The following IST1 variants were observed in gnomAD, a reference collection of about 807,000 sequenced individuals.
The protein encoded by IST1 is IST1 homolog.
In IST1, 23 loss-of-function variants were observed where a neutral mutation model predicts 37.0. The observed-to-expected ratio is 0.62, with a 90% CI of 0.45 to 0.88. The LOEUF (loss-of-function observed/expected upper bound fraction) is 0.88, where lower values mean the gene tolerates loss of function less well. Ranked by LOEUF, IST1 falls within the 40% of genes least tolerant of loss-of-function variation. The pLI is 0.00. For synonymous variants in IST1, 180 were observed against 161.7 expected (o/e 1.11, Z -0.86); for missense variants, 488 against 445.4 (o/e 1.10, Z -0.86).
chr16:71,918,499 C>T (rs1487970984), intron 4 of IST1, among the ~76,000 whole-genome samples: 1 of 150,548 alleles, frequency 6.6e-6, no homozygotes, highest in Non-Finnish European at 1.5e-5. Flanking sequence ...TCACTGCAAC[C>T]TCTGCCTCCT....
intron 1 of IST1, among the ~76,000 whole-genome samples, chr16:71,915,193 C>T (rs570109340): frequency 6.6e-5 from 10 of 152,158 alleles, no homozygotes; most frequent in Non-Finnish European, 1.2e-4. Flanking sequence ...TCCCCCATTG[C>T]CATCCCTGTT....
intron 1 of IST1, among the ~76,000 whole-genome samples, chr16:71,898,726 C>G (rs1265455121): frequency 6.6e-6 from 1 of 151,384 alleles, no homozygotes; most frequent in Non-Finnish European, 1.5e-5. Context: ...CGCCTGTAAT[C>G]CCAGCACTTT....
At chr16:71,922,399 C>T (rs2037614729) in intron 6 of IST1, 75 bp from the exon 7 acceptor site, 1 of 1,238,104 alleles carries the variant, frequency 8.1e-7, no homozygotes, top group South Asian at 1.3e-5. Flanking sequence ...TGCTAATCTC[C>T]ATCTCAGACT....
rs1334675359 is a variant in IST1 at position 71,928,194 on chromosome 16, A to C, written c.*381A>C. ...GAGAGAGCACGTTGTGAAGCATCCC[A>C]GCCTCGTGTTGAGGTTCCAGACTTA... is the stretch of plus-strand genomic sequence containing the variant. On this transcript the variant is annotated 3_prime_UTR_variant, in exon 10 of 10. Transcript: ENST00000378799. The C allele has an allele frequency of 3.9e-6, 1 of 259,518 alleles. No individual in the cohort carries two copies. The highest frequency in any genetic ancestry group is 7.6e-6 in the Non-Finnish European group (1 of 132,020). 16.1% of individuals were successfully genotyped at this position (259,518 alleles called of 1,614,324 possible).
chr16:71,909,486 C>T (rs2037304372), intron 1 of IST1, among the ~76,000 whole-genome samples: 1 of 152,188 alleles, frequency 6.6e-6, no homozygotes, highest in Non-Finnish European at 1.5e-5. Context: ...CTTCATGGTG[C>T]TGTGTACAAA....
chr16:71,898,515 C>T (rs1447231277), intron 1 of IST1, among the ~76,000 whole-genome samples: 4 of 151,760 alleles, frequency 2.6e-5, no homozygotes, highest in African/African-American at 9.7e-5. Context: ...GAAACCCCCT[C>T]TCTACTGTAA....
At position 71,921,525 on chromosome 16, in the gene IST1, T is replaced by TAC. The variant is rs397757979; in HGVS notation, c.552+72_552+73insAC. 1.4e-4 allele frequency: 125 copies of TAC among 869,794 alleles called. 1 individual carries two copies. Among genetic ancestry groups the TAC allele is most frequent in the Middle Eastern group, 1.1e-3 (5 of 4,550 alleles). The allele number at this position is 869,794 out of a possible 1,614,324, so 53.9% of individuals were successfully genotyped here. A position where few individuals can be genotyped will look rare whatever the true frequency, so the allele number is the denominator to read the frequency against. On this transcript the variant is annotated intron_variant, in intron 6 of 9. Transcript: ENST00000378799. ...CCTTCTTTGGAAAACAAAAAAAACA[T>TAC]TCTTTGCACTAACTTAAATTTGTGT... is the stretch of plus-strand genomic sequence containing the variant.
At chr16:71,924,067 C>G (rs555236428) in intron 8 of IST1, 1 of 451,772 alleles carries the variant, frequency 2.2e-6, no homozygotes, top group East Asian at 7.0e-5. Flanking sequence ...GCTTTCTGTT[C>G]TTTCCTTTGG....
Position 71,922,694 on chromosome 16 carries a change from A to ATGT in IST1, c.759+14_759+15insTGT. ...CCAAAGGGACCAGTAAGTATATATAAGTGTGGATGTAAGCTTTAGAAAATG... is the reference window on the plus strand; with the variant it reads ...CCAAAGGGACCAGTAAGTATATATAATGTGTGTGGATGTAAGCTTTAGAAAATG... On this transcript the variant is annotated intron_variant, in intron 7 of 9. Transcript: ENST00000378799. 6.5e-7 allele frequency: 1 copy of ATGT among 1,543,454 alleles called. No individual in the cohort carries two copies. Among genetic ancestry groups the ATGT allele is most frequent in the Non-Finnish European group, 8.9e-7 (1 of 1,128,688 alleles).
chr16:71,929,583 C>T lies in IST1; in HGVS notation c.*1770C>T, dbSNP rs751179893. 1.2e-5 allele frequency: 18 copies of T among 1,551,626 alleles called. No individual in the cohort carries two copies. Among genetic ancestry groups the T allele is most frequent in the Admixed American group, 2.0e-5 (1 of 50,968 alleles). Reference sequence around the variant, plus strand: ...CTTCAGTGTCACTGCCCACTGCTGTCGTGGCTGCTTGCTCAGATGAGGTTT... The same window carrying T: ...CTTCAGTGTCACTGCCCACTGCTGTTGTGGCTGCTTGCTCAGATGAGGTTT... On this transcript the variant is annotated 3_prime_UTR_variant, in exon 10 of 10. Coordinates refer to ENST00000378799, the MANE Select transcript of IST1 (RefSeq NM_001270975.2).
chr16:71,898,143 G>A (rs2037017841), intron 1 of IST1, among the ~76,000 whole-genome samples: 5 of 152,152 alleles, frequency 3.3e-5, no homozygotes, highest in African/African-American at 1.2e-4. Flanking sequence ...GGGAGGCTGA[G>A]GCAGGCAGAT....
Position 71,929,781 on chromosome 16 carries a change from A to AGAT in IST1, c.*1969_*1971dup. ...ATTTTTAAAAAATTAGTAAATGTAA[A>AGAT]GATACTATTTCTTTAATAATTTGCA... On this transcript the variant is annotated 3_prime_UTR_variant, in exon 10 of 10. Coordinates refer to ENST00000378799, the MANE Select transcript of IST1 (RefSeq NM_001270975.2). The AGAT allele has an allele frequency of 8.5e-7, 1 of 1,182,126 alleles. No individual in the cohort carries two copies. The highest frequency in any genetic ancestry group is 1.2e-6 in the Non-Finnish European group (1 of 856,974). 73.2% of individuals were successfully genotyped at this position (1,182,126 alleles called of 1,614,324 possible). A position where few individuals can be genotyped will look rare whatever the true frequency, so the allele number is the denominator to read the frequency against.
chr16:71,914,767 G>A (rs1017533718), intron 1 of IST1, among the ~76,000 whole-genome samples: 1 of 152,078 alleles, frequency 6.6e-6, no homozygotes, highest in Non-Finnish European at 1.5e-5. Flanking sequence ...TGATTTGTCT[G>A]TTCTTCAGTT....
chr16:71,929,471 A>T lies in IST1; in HGVS notation c.*1658A>T. 1 of 1,388,302 alleles carries T rather than the reference A, an allele frequency of 7.2e-7. No homozygotes were observed. 86.0% of individuals were successfully genotyped at this position (1,388,302 alleles called of 1,614,324 possible). A position where few individuals can be genotyped will look rare whatever the true frequency, so the allele number is the denominator to read the frequency against. On this transcript the variant is annotated 3_prime_UTR_variant, in exon 10 of 10. Transcript: ENST00000378799. ...AAAACAAAGTATATTATAATTTTAA[A>T]GCTATGCCATGCAAAGATAAGTAGT...
At chr16:71,909,014 C>A (rs1199542411) in intron 1 of IST1, among the ~76,000 whole-genome samples, 1 of 151,770 alleles carries the variant, frequency 6.6e-6, no homozygotes, top group Non-Finnish European at 1.5e-5. Flanking sequence ...TTTTAAGGAC[C>A]ATCCATGTTG....
chr16:71,921,124 TC>T, intron 5 of IST1: 1 of 598,162 alleles, frequency 1.7e-6, no homozygotes, highest in Non-Finnish European at 3.0e-6. Flanking sequence ...AGCAGTATCA[TC>T]TTTTGCCAGC....
intron 1 of IST1, among the ~76,000 whole-genome samples, chr16:71,910,474 C>T (rs936091997): frequency 5.3e-5 from 8 of 151,696 alleles, no homozygotes; most frequent in Non-Finnish European, 1.0e-4. Flanking sequence ...GGTGTGGTGG[C>T]GGGCGCCCGT....
In IST1 at chr16:71,929,646, C is replaced by G. The variant is rs1027880087; in HGVS notation, c.*1833C>G. 1.9e-6 allele frequency: 3 copies of G among 1,551,620 alleles called. No homozygotes were observed. In the African/African-American group the frequency reaches 4.1e-5, roughly 21 times the overall value. Reference sequence around the variant, plus strand: ...TGATTCCTAACAAATTTGAGAGCTTCTGTAGCAGTGTATCTATTAGTGCAG... The same window carrying G: ...TGATTCCTAACAAATTTGAGAGCTTGTGTAGCAGTGTATCTATTAGTGCAG... On this transcript the variant is annotated 3_prime_UTR_variant, in exon 10 of 10. Coordinates refer to ENST00000378799, the MANE Select transcript of IST1 (RefSeq NM_001270975.2).
Position 71,921,952 on chromosome 16 carries a change from A to G in IST1, c.552+499A>G, listed in dbSNP as rs1258344066. Among the ~76,000 whole-genome samples, 10 of 152,312 alleles carry G rather than the reference A, an allele frequency of 6.6e-5. No individual in the cohort carries two copies. The East Asian group carries it at 7.7e-4, about 12-fold the overall frequency. On this transcript the variant is annotated intron_variant, in intron 6 of 9. Transcript: ENST00000378799. ...GGAGATCGAGACCATCCTGGCTAAC[A>G]CGGTGAAACCCTGTCTCTACTAAAA...
Sources: gnomAD v4.1 joint callset for allele counts (sites outside exome capture counted in the v4.1 genomes callset) on GRCh38, gnomAD v4.1.1 for gene constraint, MANE v1.5 for transcripts, NCBI Gene and HGNC (gene_info 2026-07-23, HGNC 2026-07-21) for gene names.